PIP5K1B: variants seen among roughly 807,000 people sequenced by gnomAD.
The protein encoded by PIP5K1B is phosphatidylinositol 4-phosphate 5-kinase type-1 beta.
PIP5K1B carries 42 observed loss-of-function variants against 67.0 expected under a neutral mutation model. The observed-to-expected ratio is 0.63, with a 90% CI of 0.49 to 0.81. PIP5K1B has a LOEUF of 0.81. Ranked by LOEUF, PIP5K1B falls within the 30% of genes least tolerant of loss-of-function variation. PIP5K1B has a pLI of 0.00. For missense variants in PIP5K1B, 459 were observed against 646.3 expected, an observed-to-expected ratio of 0.71 and a Z score of 3.14; for synonymous variants, 214 against 231.4, an observed-to-expected ratio of 0.92 and a Z score of 0.68.
Position 68,954,023 on chromosome 9 carries a change from T to G in PIP5K1B, c.1502+13233T>G, listed in dbSNP as rs147012029. 5.3e-4 allele frequency among the ~76,000 whole-genome samples: 81 copies of G among 151,988 alleles called. No homozygotes were observed. In the East Asian group the frequency reaches 0.014, roughly 26 times the overall value. On this transcript the variant is annotated intron_variant, in intron 14 of 15. Transcript: ENST00000265382. ...TATACATATTTACTTCCTCTCTTTCTTTTACCTCAATTGCTTCTGGTGTCC... is the reference window on the plus strand; with the variant it reads ...TATACATATTTACTTCCTCTCTTTCGTTTACCTCAATTGCTTCTGGTGTCC...
At chr9:68,741,231 T>C (rs910976211) in intron 1 of PIP5K1B, among the ~76,000 whole-genome samples, 1 of 152,210 alleles carries the variant, frequency 6.6e-6, no homozygotes, top group Non-Finnish European at 1.5e-5. Context: ...TATTTTTTCA[T>C]AAATTGATTT....
intron 2 of PIP5K1B, among the ~76,000 whole-genome samples, chr9:68,788,047 AAT>A (rs1372679437): frequency 1.3e-5 from 2 of 152,214 alleles, no homozygotes; most frequent in Admixed American, 6.5e-5. Context: ...CCATGTTAAA[AAT>A]AGTTACACAA....
chr9:68,939,379 G>T (rs1010866938), intron 13 of PIP5K1B, among the ~76,000 whole-genome samples: 2 of 152,100 alleles, frequency 1.3e-5, no homozygotes, highest in Admixed American at 1.3e-4. Flanking sequence ...TATAAGGAGT[G>T]GCAATTCATT....
At chr9:68,798,167 A>G (rs1004271897) in intron 2 of PIP5K1B, among the ~76,000 whole-genome samples, 2 of 152,178 alleles carry the variant, frequency 1.3e-5, no homozygotes, top group Non-Finnish European at 2.9e-5. Flanking sequence ...GAAAGTTTTG[A>G]GTTTGTCTTA....
intron 2 of PIP5K1B, among the ~76,000 whole-genome samples, chr9:68,779,804 A>G (rs1831123602): frequency 2.0e-5 from 3 of 152,212 alleles, no homozygotes; most frequent in Admixed American, 2.0e-4. Flanking sequence ...ACAGCCCCAC[A>G]TCACCATGGG....
chr9:68,861,500 T>A (rs1823071256), intron 4 of PIP5K1B, among the ~76,000 whole-genome samples: 1 of 152,224 alleles, frequency 6.6e-6, no homozygotes, highest in Non-Finnish European at 1.5e-5. Context: ...TTTGGCAGGC[T>A]GTTCCAGCCC....
chr9:68,760,764 G>A (rs11143636), intron 2 of PIP5K1B, among the ~76,000 whole-genome samples: 88,678 of 151,874 alleles, frequency 0.58, 26,631 homozygotes, highest in Non-Finnish European at 0.66. Context: ...ATAATAATAC[G>A]TAGGAGCTCA....
At chr9:68,904,197 C>T (rs1825500319) in intron 8 of PIP5K1B, among the ~76,000 whole-genome samples, 1 of 152,238 alleles carries the variant, frequency 6.6e-6, no homozygotes, top group East Asian at 1.9e-4. Context: ...TTCATCATTA[C>T]ACTCTCCTTA....
chr9:68,837,401 G>A (rs1050662623), intron 4 of PIP5K1B, among the ~76,000 whole-genome samples: 1 of 152,112 alleles, frequency 6.6e-6, no homozygotes, highest in East Asian at 1.9e-4. Context: ...CAGCTAGATA[G>A]GTGAAAATGC....
chr9:68,796,757 A>G (rs1231963312), intron 2 of PIP5K1B, among the ~76,000 whole-genome samples: 2 of 152,200 alleles, frequency 1.3e-5, no homozygotes, highest in African/African-American at 4.8e-5. Context: ...TGGGGAGATG[A>G]GAAAGAAGCC....
chr9:68,764,438 G>A (rs1165360026), intron 2 of PIP5K1B, among the ~76,000 whole-genome samples: 4 of 151,952 alleles, frequency 2.6e-5, no homozygotes, highest in Non-Finnish European at 5.9e-5. Flanking sequence ...TTCTGTTTGA[G>A]GACCTGTAGT....
chr9:68,920,354 G>GATGT lies in PIP5K1B; in HGVS notation c.1116+625_1116+626insATGT, dbSNP rs1356916901. On this transcript the variant is annotated intron_variant, in intron 11 of 15. Transcript: ENST00000265382. ...CATTTATACATGCTGGCTGCCTGAG[G>GATGT]TTGTCTTTTTTTTTTTTTTTTTTTT... Among the ~76,000 whole-genome samples the GATGT allele has an allele frequency of 8.7e-5, 10 of 114,360 alleles. 2 individuals are homozygous for GATGT. The highest frequency in any genetic ancestry group is 1.1e-4 in the Non-Finnish European group (6 of 57,014). 75.0% of individuals were successfully genotyped at this position (114,360 alleles called of 152,430 possible).
intron 2 of PIP5K1B, among the ~76,000 whole-genome samples, chr9:68,769,528 C>G (rs1311587917): frequency 6.6e-6 from 1 of 152,152 alleles, no homozygotes; most frequent in African/African-American, 2.4e-5. Flanking sequence ...GAAAGTATAA[C>G]TAGCTATTAT....
chr9:68,723,460 G>A (rs1396393779), intron 1 of PIP5K1B, among the ~76,000 whole-genome samples: 1 of 151,446 alleles, frequency 6.6e-6, no homozygotes, highest in African/African-American at 2.4e-5. Context: ...CCCACCAATA[G>A]TATACAAATA....
In PIP5K1B at chr9:68,917,542, A is replaced by T. The variant is rs760108738; in HGVS notation, c.772-6A>T. 3.0e-5 allele frequency: 49 copies of T among 1,610,400 alleles called. No homozygotes were observed. The highest frequency in any genetic ancestry group is 3.8e-5 in the Non-Finnish European group (45 of 1,176,892). ...GACTGGCTTCCTGGTTCTTTTTCTC[A>T]TTCAGGTGCTAGAAAGCTTCAAGAT... On this transcript the variant is annotated splice_polypyrimidine_tract_variant and splice_region_variant and intron_variant, in intron 8 of 15. Coordinates refer to ENST00000265382, the MANE Select transcript of PIP5K1B (RefSeq NM_003558.4).
At position 68,940,764 on chromosome 9, in the gene PIP5K1B, C is replaced by A; in HGVS notation, c.1476C>A (p.His492Gln). ...SSLYVNEHYP[H>Q]DRPTLYSNSK... is the part of the protein sequence containing the mutation. The stretch of plus-strand genomic sequence containing the variant: ...TATACGTCAATGAGCACTATCCACA[C>A]GACAGGCCTACACTCTATTCAAACA... The change falls in exon 14 of 16, where the codon CAC becomes CAA. Residue 492 changes from histidine (H) to glutamine (Q), a missense_variant. His to Gln is a conservative substitution (Grantham distance 24). Around this residue, in one of 2 missense-constraint regions of PIP5K1B, gnomAD observed 169 missense variants for 171.9 expected, o/e 0.98. Coordinates refer to ENST00000265382, the MANE Select transcript of PIP5K1B (RefSeq NM_003558.4). 1.2e-6 allele frequency: 2 copies of A among 1,613,884 alleles called. No individual in the cohort carries two copies. The highest frequency in any genetic ancestry group is 1.1e-5 in the South Asian group (1 of 91,080).
At chr9:68,720,518 C>T (rs920349363) in intron 1 of PIP5K1B, among the ~76,000 whole-genome samples, 1 of 151,902 alleles carries the variant, frequency 6.6e-6, no homozygotes, top group Non-Finnish European at 1.5e-5. Flanking sequence ...TTTTTTTAAC[C>T]CACCTTTGAA....
intron 4 of PIP5K1B, among the ~76,000 whole-genome samples, chr9:68,842,686 A>G (rs10869400): frequency 0.35 from 53,408 of 152,028 alleles, 9,552 homozygotes; most frequent in East Asian, 0.51. Flanking sequence ...TTTGGTTTTT[A>G]TGTCTGGAGG....
At position 68,744,541 on chromosome 9, in the gene PIP5K1B, C is replaced by T. The variant is rs182903376; in HGVS notation, c.-86+1884C>T. 4.0e-3 allele frequency among the ~76,000 whole-genome samples: 615 copies of T among 152,334 alleles called. 4 individuals carry two copies. Among genetic ancestry groups the T allele is most frequent in the Non-Finnish European group, 7.4e-3 (502 of 68,032 alleles). ...CATATTTATAACTGCTCCCCTTCCC[C>T]TGGCTAGGGCCTGTTGCAGGGAGAG... On this transcript the variant is annotated intron_variant, in intron 2 of 15. Coordinates refer to ENST00000265382, the MANE Select transcript of PIP5K1B (RefSeq NM_003558.4).
Sources: allele counts gnomAD v4.1 joint callset (sites outside exome capture counted in the v4.1 genomes callset), GRCh38; gene constraint gnomAD v4.1.1; regional missense constraint gnomAD v4.1.1; transcripts MANE v1.5; gene names NCBI Gene and HGNC (gene_info 2026-07-23, HGNC 2026-07-21).